Variants in ANKRD17 observed in about 807,000 individuals in gnomAD.
ANKRD17 encodes ankyrin repeat domain 17.
In ANKRD17, 19 loss-of-function variants were observed where a neutral mutation model predicts 229.7. That is an observed-to-expected ratio of 0.08 (90% confidence interval 0.06 to 0.12). The LOEUF (loss-of-function observed/expected upper bound fraction) is 0.12. Among genes scored for constraint, ANKRD17 ranks in the 10% least tolerant of loss-of-function variants. The pLI is 1.00. For missense variants in ANKRD17, 2,176 were observed against 3,176.8 expected, an observed-to-expected ratio of 0.68 and a Z score of 7.57; for synonymous variants, 1,112 against 1,146.1, an observed-to-expected ratio of 0.97 and a Z score of 0.60.
At chr4:73,225,731 G>A (rs1227137299) in intron 1 of ANKRD17, among the ~76,000 whole-genome samples, 1 of 151,256 alleles carries the variant, frequency 6.6e-6, no homozygotes, top group Non-Finnish European at 1.5e-5. Context: ...CTGTAGTGGT[G>A]GGCGCCTGTA....
chr4:73,090,595 G>T, intron 29 of ANKRD17, 72 bp downstream of exon 29: 2 of 1,577,194 alleles, frequency 1.3e-6, no homozygotes, highest in Non-Finnish European at 1.7e-6. Context: ...AAAAATATTA[G>T]AAAATGACCA....
chr4:73,242,992 T>C (rs1326324985), intron 1 of ANKRD17, among the ~76,000 whole-genome samples: 1 of 152,164 alleles, frequency 6.6e-6, no homozygotes, highest in African/African-American at 2.4e-5. Flanking sequence ...GGGAGAAAGT[T>C]CCCTCTAACA....
At position 73,139,721 on chromosome 4, in the gene ANKRD17, C is replaced by A; in HGVS notation, c.2895G>T (p.Ala965=). 1 of 1,614,178 alleles carries A rather than the reference C, an allele frequency of 6.2e-7. No homozygotes were observed. Among genetic ancestry groups the A allele is most frequent in the South Asian group, 1.1e-5 (1 of 91,078 alleles). Residue 965 remains alanine, a synonymous_variant, in exon 15 of 34, where the codon GCG becomes GCT. Transcript: ENST00000358602. ...PLAMPQALPL[A]AGPLPPGSIA... is the part of the protein sequence containing the mutation. ...TGGACCCTGGAGGCAAGGGACCTGC[C>A]GCCAGAGGCAAAGCTTGAGGCATCG... is the stretch of plus-strand genomic sequence containing the variant.
At chr4:73,151,634 A>G (rs1731011764) in intron 6 of ANKRD17, 110 bp from the exon 7 acceptor site, 1 of 779,474 alleles carries the variant, frequency 1.3e-6, no homozygotes, top group African/African-American at 1.8e-5. Context: ...TTAAATTTAT[A>G]AGCATAATAA....
At position 73,195,787 on chromosome 4, in the gene ANKRD17, A is replaced by G. The variant is rs561546708; in HGVS notation, c.394-18254T>C. Among the ~76,000 whole-genome samples, 17 of 152,146 alleles carry G rather than the reference A, an allele frequency of 1.1e-4. No individual in the cohort carries two copies. The South Asian group carries it at 2.7e-3, about 24-fold the overall frequency. ...CTCCCAAAGTGCTGGGATTACAGGC[A>G]TGAGCCACCGTGCCCAGCCTGCTGA... On this transcript the variant is annotated intron_variant, in intron 1 of 33. Transcript: ENST00000358602.
At chr4:73,180,880 G>C (rs1376590731) in intron 1 of ANKRD17, among the ~76,000 whole-genome samples, 1 of 152,070 alleles carries the variant, frequency 6.6e-6, no homozygotes, top group Non-Finnish European at 1.5e-5. Flanking sequence ...TTTTTTCATA[G>C]ATTTATCACA....
At chr4:73,126,808 T>A (rs1448026485) in intron 16 of ANKRD17, among the ~76,000 whole-genome samples, 1 of 152,176 alleles carries the variant, frequency 6.6e-6, no homozygotes, top group Non-Finnish European at 1.5e-5. Context: ...CTTGGCTGTC[T>A]GCAATCTCTG....
intron 16 of ANKRD17, among the ~76,000 whole-genome samples, chr4:73,133,785 G>A (rs1041985337): frequency 6.6e-6 from 1 of 152,174 alleles, no homozygotes. Context: ...CTACTCAGGA[G>A]GCTGAGACAG....
chr4:73,155,056 A>G (rs993893464), intron 5 of ANKRD17, among the ~76,000 whole-genome samples: 1 of 151,810 alleles, frequency 6.6e-6, no homozygotes, highest in African/African-American at 2.4e-5. Context: ...AAAAAAAAAA[A>G]AATTTAATAA....
intron 30 of ANKRD17, among the ~76,000 whole-genome samples, chr4:73,082,617 G>C (rs1437092450): frequency 6.6e-6 from 1 of 152,212 alleles, no homozygotes; most frequent in East Asian, 1.9e-4. Context: ...TCACAGTTTA[G>C]TTCAGTGTTT....
At chr4:73,159,369 T>C (rs1732199070) in intron 3 of ANKRD17, among the ~76,000 whole-genome samples, 1 of 152,240 alleles carries the variant, frequency 6.6e-6, no homozygotes, top group Non-Finnish European at 1.5e-5. Context: ...GAATTTTTCA[T>C]TCAATTTCCA....
At chr4:73,166,101 G>C (rs928230704) in intron 2 of ANKRD17, among the ~76,000 whole-genome samples, 1 of 152,186 alleles carries the variant, frequency 6.6e-6, no homozygotes, top group South Asian at 2.1e-4. Context: ...TTGTTATGCT[G>C]CAATAGAAAA....
intron 1 of ANKRD17, among the ~76,000 whole-genome samples, chr4:73,233,199 C>T (rs1349552846): frequency 6.6e-6 from 1 of 152,088 alleles, no homozygotes; most frequent in African/African-American, 2.4e-5. Flanking sequence ...AACTTTAATG[C>T]CATTTTGCTT....
chr4:73,232,916 T>G (rs1743187389), intron 1 of ANKRD17, among the ~76,000 whole-genome samples: 1 of 152,108 alleles, frequency 6.6e-6, no homozygotes, highest in Non-Finnish European at 1.5e-5. Context: ...AGAGACAGGA[T>G]TTCACCATGT....
intron 26 of ANKRD17, 35 bp from the exon 27 acceptor site, chr4:73,097,307 GA>G: frequency 6.7e-7 from 1 of 1,503,434 alleles, no homozygotes; most frequent in South Asian, 1.4e-5. Context: ...ATTAAATATG[GA>G]ACAGATGTAG....
chr4:73,211,740 G>C (rs1433203162), intron 1 of ANKRD17, among the ~76,000 whole-genome samples: 3 of 151,766 alleles, frequency 2.0e-5, no homozygotes, highest in Admixed American at 2.0e-4. Context: ...CCAGCTACGT[G>C]GGAGGCTGAG....
intron 1 of ANKRD17, among the ~76,000 whole-genome samples, chr4:73,197,423 C>T (rs763983778): frequency 6.6e-6 from 1 of 152,190 alleles, no homozygotes; most frequent in Non-Finnish European, 1.5e-5. Context: ...ACTTACGCAA[C>T]TCTGTAGTCA....
chr4:73,088,500 T>C (rs1722438374), intron 29 of ANKRD17, among the ~76,000 whole-genome samples: 1 of 152,182 alleles, frequency 6.6e-6, no homozygotes, highest in South Asian at 2.1e-4. Context: ...AGCTTAATTT[T>C]AGCCTTTCTG....
chr4:73,108,433 AAAG>A (rs1250753696), intron 24 of ANKRD17, among the ~76,000 whole-genome samples: 1 of 152,220 alleles, frequency 6.6e-6, no homozygotes, highest in African/African-American at 2.4e-5. Context: ...ACCAGTGGAT[AAAG>A]AAGACCATGT....
Sources: gnomAD v4.1 joint callset for allele counts (sites outside exome capture counted in the v4.1 genomes callset) on GRCh38, gnomAD v4.1.1 for gene constraint, MANE v1.5 for transcripts, NCBI Gene and HGNC (gene_info 2026-07-23, HGNC 2026-07-21) for gene names.